XKR6: variants seen among roughly 807,000 people sequenced by gnomAD.
The protein encoded by XKR6 is XK-related protein 6.
XKR6 carries 22 observed loss-of-function variants against 56.7 expected under a neutral mutation model. The observed-to-expected ratio is 0.39, with a 90% confidence interval of 0.28 to 0.55. The LOEUF is 0.55. XKR6 is among the 20% of genes least tolerant of loss of function. XKR6 has a pLI of 0.66. For synonymous variants in XKR6, 524 were observed against 387.8 expected, an observed-to-expected ratio of 1.35 and a Z score of -4.13; for missense variants, 852 against 889.0, an observed-to-expected ratio of 0.96 and a Z score of 0.53.
intron 1 of XKR6, among the ~76,000 whole-genome samples, chr8:11,002,192 C>G (rs969370162): frequency 2.6e-5 from 4 of 152,184 alleles, no homozygotes; most frequent in African/African-American, 9.7e-5. Context: ...CTCCCCAATC[C>G]TGAGAGGGCC....
At chr8:10,993,668 C>T (rs181642655) in intron 1 of XKR6, among the ~76,000 whole-genome samples, 2 of 152,236 alleles carry the variant, frequency 1.3e-5, no homozygotes, top group African/African-American at 4.8e-5. Context: ...CTGCTCCTAG[C>T]TCACCCGACA....
chr8:10,970,358 TC>T (rs1010070258), intron 1 of XKR6, among the ~76,000 whole-genome samples: 4 of 152,184 alleles, frequency 2.6e-5, no homozygotes, highest in African/African-American at 9.6e-5. Flanking sequence ...CCAAACATTT[TC>T]TTGGATCCTT....
intron 1 of XKR6, among the ~76,000 whole-genome samples, chr8:10,994,938 C>A (rs78798207): frequency 1.9e-3 from 293 of 152,296 alleles, no homozygotes; most frequent in African/African-American, 6.7e-3. Context: ...AGAAAACACA[C>A]TTCCAGTGTC....
rs139816976 is a variant in XKR6, at chr8:11,158,494, G to T, written c.764+42082C>A. On this transcript the variant is annotated intron_variant, in intron 1 of 2. Transcript: ENST00000416569. ...CACTCTGCTTCAGGAGCTGTGCCTA[G>T]AAACTTCGCCTTGAGTTTCTTTAGC... Among the ~76,000 whole-genome samples, 4 of 152,300 alleles carry T rather than the reference G, an allele frequency of 2.6e-5. No homozygotes were observed. The East Asian group carries it at 7.7e-4, about 29-fold the overall frequency.
intron 1 of XKR6, among the ~76,000 whole-genome samples, chr8:11,067,668 G>C (rs1211854779): frequency 2.0e-5 from 3 of 152,218 alleles, no homozygotes; most frequent in Non-Finnish European, 2.9e-5. Context: ...CAGGTGGTTG[G>C]TGTGTGCCCA....
At chr8:11,018,121 G>A (rs868811460) in intron 1 of XKR6, among the ~76,000 whole-genome samples, 4 of 152,108 alleles carry the variant, frequency 2.6e-5, no homozygotes, top group African/African-American at 7.2e-5. Context: ...AAAGGGTTAC[G>A]CTGCTGTCAG....
intron 1 of XKR6, among the ~76,000 whole-genome samples, chr8:11,079,477 A>G (rs1042261762): frequency 2.0e-5 from 3 of 152,222 alleles, no homozygotes; most frequent in Admixed American, 6.5e-5. Context: ...CTATCTGCAT[A>G]TGGTTTTGAT....
rs60826214 is a variant in XKR6, at chr8:11,033,349, A to G, written c.765-108519T>C. On this transcript the variant is annotated intron_variant, in intron 1 of 2. Coordinates refer to ENST00000416569, the MANE Select transcript of XKR6 (RefSeq NM_173683.4). Reference sequence around the variant, plus strand: ...AGTGATGGTGATGGTGGTGGTGATGATGATGATGACGATAGTGATGGTGAT... The same window carrying G: ...AGTGATGGTGATGGTGGTGGTGATGGTGATGATGACGATAGTGATGGTGAT... Among the ~76,000 whole-genome samples the G allele has an allele frequency of 3.2e-3, 424 of 130,792 alleles. 5 individuals are homozygous for G. The highest frequency in any genetic ancestry group is 0.018 in the African/African-American group (394 of 22,128). The allele number at this position is 130,792 out of a possible 152,430, so 85.8% of individuals were successfully genotyped here.
chr8:11,190,471 A>G (rs1224310769), intron 1 of XKR6, among the ~76,000 whole-genome samples: 1 of 152,114 alleles, frequency 6.6e-6, no homozygotes, highest in Non-Finnish European at 1.5e-5. Context: ...AGGTGCATCT[A>G]CCCTGAGAAA....
At chr8:11,119,438 G>C (rs1021221405) in intron 1 of XKR6, among the ~76,000 whole-genome samples, 1 of 152,154 alleles carries the variant, frequency 6.6e-6, no homozygotes. Flanking sequence ...TATTGTGTGG[G>C]AGTCTAAGTC....
At chr8:11,120,156 A>T (rs1230156269) in intron 1 of XKR6, among the ~76,000 whole-genome samples, 2 of 152,214 alleles carry the variant, frequency 1.3e-5, no homozygotes, top group African/African-American at 2.4e-5. Flanking sequence ...CACCACTCCT[A>T]TTCAACATAG....
At position 11,200,826 on chromosome 8, in the gene XKR6, G is replaced by A. The variant is rs1585049657; in HGVS notation, c.514C>T (p.Pro172Ser). 2.5e-6 allele frequency: 4 copies of A among 1,611,916 alleles called. No homozygotes were observed. The highest frequency in any genetic ancestry group is 2.2e-5 in the South Asian group (2 of 90,992). ...CTCAGGCTCTGCACCAGCAGCGACG[G>A]CACCAGCACGAAGAAGAGGGTCAGC... ...FGLTLFFVLV[P>S]SLLVQSLSFR... The change falls in exon 1 of 3, where the codon CCG (proline) becomes TCG (serine). Residue 172 changes from proline (P) to serine (S), a missense_variant. Transcript: ENST00000416569. This position sits in a 1 kb window ranked among gnomAD's most constrained non-coding sequence, Gnocchi z 6.4.
intron 1 of XKR6, chr8:11,137,642 C>A (rs531491328): frequency 6.6e-6 from 3 of 456,264 alleles, no homozygotes; most frequent in South Asian, 3.1e-5. Context: ...AATGGAAACA[C>A]CATGCCATGG....
At chr8:10,982,063 G>C (rs981818790) in intron 1 of XKR6, among the ~76,000 whole-genome samples, 3 of 152,188 alleles carry the variant, frequency 2.0e-5, no homozygotes, top group Admixed American at 1.3e-4. Flanking sequence ...CCCAACTTGA[G>C]GCAGCTACTA....
At chr8:11,197,026 G>A (rs1322959265) in intron 1 of XKR6, among the ~76,000 whole-genome samples, 4 of 152,112 alleles carry the variant, frequency 2.6e-5, no homozygotes, top group Admixed American at 1.3e-4. Flanking sequence ...AGAAAACAAC[G>A]CTAAAACAGA....
At chr8:11,160,426 A>G (rs920822603) in intron 1 of XKR6, among the ~76,000 whole-genome samples, 9 of 152,194 alleles carry the variant, frequency 5.9e-5, no homozygotes, top group Non-Finnish European at 1.5e-5. Flanking sequence ...GAATCCTGAA[A>G]TAAAAGGAAG....
At chr8:11,125,880 G>A (rs893425028) in intron 1 of XKR6, 3 of 152,148 alleles carry the variant, frequency 2.0e-5, no homozygotes, top group Admixed American at 6.6e-5. Context: ...GCTCTCCCGT[G>A]TTCTCAGTAC....
chr8:11,107,544 G>C (rs1309510458), intron 1 of XKR6, among the ~76,000 whole-genome samples: 1 of 152,168 alleles, frequency 6.6e-6, no homozygotes, highest in Non-Finnish European at 1.5e-5. Context: ...TCAACCAGCA[G>C]GGAGAAGTGG....
At chr8:11,102,044 G>C (rs894637872) in intron 1 of XKR6, among the ~76,000 whole-genome samples, 3 of 152,188 alleles carry the variant, frequency 2.0e-5, no homozygotes, top group African/African-American at 4.8e-5. Flanking sequence ...GAAACAGCGA[G>C]GGCTTCTGGA....
Sources: gnomAD v4.1 joint callset for allele counts (sites outside exome capture counted in the v4.1 genomes callset) on GRCh38, gnomAD v4.1.1 for gene constraint, Gnocchi (gnomAD v3.1) non-coding constraint, MANE v1.5 for transcripts, NCBI Gene and HGNC (gene_info 2026-07-23, HGNC 2026-07-21) for gene names.